Variants in ATXN8OS observed in about 807,000 individuals in gnomAD.
The protein encoded by ATXN8OS is ATXN8 opposite strand (non-protein coding).
At chr13:70,145,460 A>G (rs1189887244) in intron 3 of ATXN8OS, among the ~76,000 whole-genome samples, 2 of 151,752 alleles carry the variant, frequency 1.3e-5, no homozygotes, top group Non-Finnish European at 2.9e-5. Context: ...CATTTTCACG[A>G]TATTGATTCT....
rs1371793409 is a variant in ATXN8OS at position 70,139,377 on chromosome 13, ACTACTACTGCTGCTG to A, written n.500-7975_500-7961del. On this transcript the variant is annotated intron_variant and non_coding_transcript_variant, in intron 3 of 4. Coordinates refer to ENST00000678624, the Ensembl canonical transcript of ATXN8OS. ...TACTACTACTACTACTACTACTACTACTACTACTGCTGCTGCTGCTGCTGCTGCTGCTGCTGCTGC... is the reference window on the plus strand; with the variant it reads ...TACTACTACTACTACTACTACTACTACTGCTGCTGCTGCTGCTGCTGCTGC... The A allele has an allele frequency of 2.5e-3, 1,635 of 645,926 alleles. 24 individuals are homozygous for A. In the African/African-American group the frequency reaches 0.031, roughly 12 times the overall value. 40.0% of individuals were successfully genotyped at this position (645,926 alleles called of 1,614,324 possible).
At chr13:70,143,073 A>AG (rs1888738638) in intron 3 of ATXN8OS, among the ~76,000 whole-genome samples, 1 of 152,010 alleles carries the variant, frequency 6.6e-6, no homozygotes, top group Admixed American at 6.6e-5. Context: ...GTCTAAAAAA[A>AG]AAAAAAAATC....
intron 3 of ATXN8OS, among the ~76,000 whole-genome samples, chr13:70,144,800 T>C (rs1888760659): frequency 6.6e-6 from 1 of 152,180 alleles, no homozygotes; most frequent in Non-Finnish European, 1.5e-5. Context: ...CTCCTATGTT[T>C]TCTTCCAGGA....
chr13:70,131,681 T>C (rs1888535241), intron 3 of ATXN8OS: 1 of 394,918 alleles, frequency 2.5e-6, no homozygotes, highest in South Asian at 1.4e-4. Context: ...CAACCCAGAC[T>C]AGATCATTTT....
intron 2 of ATXN8OS, among the ~76,000 whole-genome samples, chr13:70,122,383 G>A (rs907632530): frequency 1.3e-5 from 2 of 151,776 alleles, no homozygotes; most frequent in Admixed American, 6.6e-5. Context: ...TTTGTCTTAC[G>A]ATTTAACTTG....
At position 70,165,870 on chromosome 13, in the gene ATXN8OS, A is replaced by G. The variant is rs572028836; in HGVS notation, n.574-3883A>G. ...ACAAGTAAAATATTTAAACAACAAA[A>G]TAATAATACAATGAATAATGGTGTC... On this transcript the variant is annotated intron_variant and non_coding_transcript_variant, in intron 4 of 4. Transcript: ENST00000678624. 1.5e-4 allele frequency among the ~76,000 whole-genome samples: 23 copies of G among 152,194 alleles called. 1 individual carries two copies. The East Asian group carries it at 4.4e-3, about 29-fold the overall frequency.
At chr13:70,142,117 C>T (rs1888726372) in intron 3 of ATXN8OS, among the ~76,000 whole-genome samples, 1 of 152,086 alleles carries the variant, frequency 6.6e-6, no homozygotes, top group Non-Finnish European at 1.5e-5. Context: ...CTCCTGACCT[C>T]AGGTGATCCA....
chr13:70,155,120 C>G (rs1312513937), intron 4 of ATXN8OS, among the ~76,000 whole-genome samples: 1 of 152,210 alleles, frequency 6.6e-6, no homozygotes, highest in East Asian at 1.9e-4. Context: ...TCTCCTGTTT[C>G]AACCCGAGGT....
chr13:70,109,157 C>T (rs561441702), intron 1 of ATXN8OS, among the ~76,000 whole-genome samples: 6 of 152,140 alleles, frequency 3.9e-5, no homozygotes, highest in Non-Finnish European at 8.8e-5. Flanking sequence ...TGAGAATAGC[C>T]GAAGGCTACT....
intron 1 of ATXN8OS, chr13:70,108,504 T>C (rs935483732): frequency 7.0e-6 from 1 of 141,968 alleles, no homozygotes; most frequent in South Asian, 2.6e-4. Flanking sequence ...GACGCAGATG[T>C]GCACTGGGGC....
At chr13:70,138,093 C>T (rs1054607655) in intron 3 of ATXN8OS, among the ~76,000 whole-genome samples, 3 of 152,200 alleles carry the variant, frequency 2.0e-5, no homozygotes, top group Non-Finnish European at 2.9e-5. Flanking sequence ...CACCAAATCC[C>T]TCCTCCAACA....
At chr13:70,107,422 T>C, upstream of ATXN8OS, 1 of 1,611,906 alleles carries the variant, frequency 6.2e-7, no homozygotes, top group Non-Finnish European at 8.5e-7. Context: ...CAGGGTGCCA[T>C]TCAGCGGATT....
At chr13:70,113,144 ACTC>A (rs955471433) in intron 1 of ATXN8OS, among the ~76,000 whole-genome samples, 11 of 150,682 alleles carry the variant, frequency 7.3e-5, no homozygotes, top group African/African-American at 2.7e-4. Context: ...TTGGTCTCAA[ACTC>A]CTGACGCTGT....
At chr13:70,114,223 T>C (rs1437367789) in intron 1 of ATXN8OS, among the ~76,000 whole-genome samples, 1 of 152,154 alleles carries the variant, frequency 6.6e-6, no homozygotes, top group African/African-American at 2.4e-5. Context: ...AGAATATTAC[T>C]TGTCAGCCCC....
At chr13:70,155,936 C>T (rs1232073299) in intron 4 of ATXN8OS, among the ~76,000 whole-genome samples, 1 of 152,046 alleles carries the variant, frequency 6.6e-6, no homozygotes, top group Non-Finnish European at 1.5e-5. Context: ...CTTACCCATG[C>T]TATTTTAAAG....
chr13:70,125,153 T>G (rs1247886065), intron 2 of ATXN8OS, among the ~76,000 whole-genome samples: 2 of 152,190 alleles, frequency 1.3e-5, no homozygotes, highest in African/African-American at 4.8e-5. Flanking sequence ...TAAAAATCTT[T>G]TCTGTAACTC....
chr13:70,121,257 T>C, intron 2 of ATXN8OS, among the ~76,000 whole-genome samples: 1 of 152,052 alleles, frequency 6.6e-6, no homozygotes, highest in Admixed American at 6.6e-5. Context: ...GAATGACTAC[T>C]GAAAGCCACT....
chr13:70,135,204 C>A (rs1386734704), intron 3 of ATXN8OS, among the ~76,000 whole-genome samples: 1 of 152,166 alleles, frequency 6.6e-6, no homozygotes, highest in Admixed American at 6.5e-5. Flanking sequence ...TACTTCACTG[C>A]AGTCACAAGG....
At chr13:70,137,425 C>T (rs1428071795) in intron 3 of ATXN8OS, among the ~76,000 whole-genome samples, 4 of 152,234 alleles carry the variant, frequency 2.6e-5, no homozygotes, top group South Asian at 2.1e-4. Flanking sequence ...TATGAAAGCA[C>T]TGATATATTT....
Sources: gnomAD v4.1 joint callset for allele counts (sites outside exome capture counted in the v4.1 genomes callset) on GRCh38, gnomAD v4.1.1 for gene constraint, MANE v1.5 for transcripts, NCBI Gene and HGNC (gene_info 2026-07-23, HGNC 2026-07-21) for gene names.